The following NSMAF variants were observed in gnomAD, a reference collection of about 807,000 sequenced individuals.
The protein encoded by NSMAF is neutral sphingomyelinase activation associated factor, also known as protein FAN.
NSMAF carries 90 observed loss-of-function variants against 134.9 expected under a neutral mutation model. That is an observed-to-expected ratio of 0.67 (90% CI 0.56 to 0.79). The LOEUF is 0.79. Ranked by LOEUF, NSMAF falls within the 30% of genes least tolerant of loss-of-function variation. The pLI, the probability that NSMAF is intolerant of heterozygous loss-of-function variation, is 0.00. For synonymous variants in NSMAF, 358 were observed against 389.6 expected (o/e 0.92, Z 0.96); for missense variants, 1,010 against 1,119.0 (o/e 0.90, Z 1.39).
intron 1 of NSMAF, 55 bp from the exon 2 acceptor site, chr8:58,643,128 G>A: frequency 3.1e-6 from 4 of 1,277,826 alleles, no homozygotes; most frequent in Non-Finnish European, 4.6e-6. Flanking sequence ...AGTATAAGAA[G>A]GCAATATATT....
chr8:58,594,009 T>C (rs1806076781), intron 23 of NSMAF, among the ~76,000 whole-genome samples: 1 of 152,186 alleles, frequency 6.6e-6, no homozygotes, highest in South Asian at 2.1e-4. Flanking sequence ...CTGTCCTCTA[T>C]CCTCAACTCT....
chr8:58,635,776 C>A (rs891998775), intron 2 of NSMAF, among the ~76,000 whole-genome samples: 10 of 152,182 alleles, frequency 6.6e-5, no homozygotes, highest in African/African-American at 9.6e-5. Flanking sequence ...AATTAAACTT[C>A]TTTGGTTTAT....
chr8:58,589,217 AAAT>A (rs1262877377), intron 26 of NSMAF, among the ~76,000 whole-genome samples: 1 of 147,828 alleles, frequency 6.8e-6, no homozygotes, highest in African/African-American at 2.4e-5. Context: ...TTTTAAATAT[AAAT>A]AATATATAAA....
At position 58,659,596 on chromosome 8, in the gene NSMAF, C is replaced by A; in HGVS notation, c.36G>T (p.Gln12His). ...ACCTCTCCTTGGAGTAGAGCTGCAGCTGCTGCTCCTGCTGCTTCTTCCGGA... is the reference window on the plus strand; with the variant it reads ...ACCTCTCCTTGGAGTAGAGCTGCAGATGCTGCTCCTGCTGCTTCTTCCGGA... ...AFIRKKQQEQ[Q>H]LQLYSKERFS... is the part of the protein sequence containing the mutation. Residue 12 changes from glutamine (Q) to histidine (H), a missense_variant, in exon 1 of 31, where the codon CAG (glutamine) becomes CAT (histidine). Physicochemically the swap from Gln to His is conservative, Grantham distance 24. Transcript: ENST00000038176. 6.7e-7 allele frequency: 1 copy of A among 1,493,532 alleles called. No individual in the cohort carries two copies. Among genetic ancestry groups the A allele is most frequent in the East Asian group, 2.8e-5 (1 of 35,430 alleles). 92.5% of individuals were successfully genotyped at this position (1,493,532 alleles called of 1,614,324 possible). A position where few individuals can be genotyped will look rare whatever the true frequency, so the allele number is the denominator to read the frequency against.
At chr8:58,630,689 G>A (rs1054972814) in intron 6 of NSMAF, among the ~76,000 whole-genome samples, 5 of 152,198 alleles carry the variant, frequency 3.3e-5, no homozygotes, top group African/African-American at 7.2e-5. Flanking sequence ...CACCACTTGA[G>A]AATAATTAAA....
intron 9 of NSMAF, among the ~76,000 whole-genome samples, chr8:58,617,915 T>C (rs1180189364): frequency 6.6e-6 from 1 of 152,238 alleles, no homozygotes; most frequent in Non-Finnish European, 1.5e-5. Context: ...CCAACCCAAA[T>C]GTCCATCAAT....
intron 12 of NSMAF, among the ~76,000 whole-genome samples, chr8:58,604,489 A>G (rs1267288016): frequency 1.3e-5 from 2 of 150,422 alleles, no homozygotes; most frequent in African/African-American, 4.9e-5. Context: ...TCAATAGCTT[A>G]ATGTATGAAT....
intron 6 of NSMAF, among the ~76,000 whole-genome samples, chr8:58,630,116 C>A (rs1469796591): frequency 6.6e-6 from 1 of 152,160 alleles, no homozygotes; most frequent in Middle Eastern, 3.2e-3. Flanking sequence ...CAGAGGATGG[C>A]CAGATAGTGA....
intron 1 of NSMAF, among the ~76,000 whole-genome samples, chr8:58,658,550 TC>T (rs1357124691): frequency 6.6e-6 from 1 of 152,192 alleles, no homozygotes; most frequent in African/African-American, 2.4e-5. Context: ...GCACTTGTAT[TC>T]CCACGTGTAA....
chr8:58,655,147 T>A (rs1807673851), intron 1 of NSMAF, among the ~76,000 whole-genome samples: 1 of 152,140 alleles, frequency 6.6e-6, no homozygotes, highest in Admixed American at 6.5e-5. Context: ...CCTATTTATT[T>A]TTTAAATAGA....
intron 1 of NSMAF, among the ~76,000 whole-genome samples, chr8:58,645,300 T>C (rs533660308): frequency 1.3e-5 from 2 of 152,098 alleles, no homozygotes; most frequent in Admixed American, 1.3e-4. Flanking sequence ...GCACACTAGG[T>C]ATCAGGCACA....
chr8:58,588,546 G>A lies in NSMAF; in HGVS notation c.2212-845C>T, dbSNP rs1805946888. On this transcript the variant is annotated intron_variant, in intron 26 of 30. Coordinates refer to ENST00000038176, the MANE Select transcript of NSMAF (RefSeq NM_003580.4). ...TGCTGTGAATTGCACAACTCACACA[G>A]TAATGTAGCTTCACATACAGCTTGG... is the stretch of plus-strand genomic sequence containing the variant. 4 of 1,241,560 alleles carry A rather than the reference G, an allele frequency of 3.2e-6. No individual in the cohort carries two copies. In the Admixed American group the frequency reaches 6.7e-5, roughly 21 times the overall value. 76.9% of individuals were successfully genotyped at this position (1,241,560 alleles called of 1,614,324 possible). A position where few individuals can be genotyped will look rare whatever the true frequency, so the allele number is the denominator to read the frequency against.
intron 1 of NSMAF, among the ~76,000 whole-genome samples, chr8:58,644,342 A>G (rs564428532): frequency 2.0e-5 from 3 of 152,324 alleles, no homozygotes; most frequent in African/African-American, 7.2e-5. Flanking sequence ...GAGAAATGGA[A>G]AGCAGACCGG....
At chr8:58,607,672 T>A (rs2129142132) in intron 11 of NSMAF, 97 bp downstream of exon 11, 1 of 901,646 alleles carries the variant, frequency 1.1e-6, no homozygotes, top group Admixed American at 1.8e-5. Flanking sequence ...AGTGTACTTG[T>A]ACTTTCAGAC....
At chr8:58,631,624 T>C (rs1019674590) in intron 5 of NSMAF, 78 bp from the exon 6 acceptor site, 2 of 779,536 alleles carry the variant, frequency 2.6e-6, no homozygotes, top group African/African-American at 3.6e-5. Context: ...ATCAGAACAT[T>C]ATCAATCAAA....
intron 12 of NSMAF, among the ~76,000 whole-genome samples, chr8:58,605,447 T>C (rs905281348): frequency 6.6e-6 from 1 of 152,198 alleles, no homozygotes. Context: ...TCAAAATCCA[T>C]TCAATTTGGA....
At chr8:58,584,476 T>C (rs2129138186) in intron 30 of NSMAF, among the ~76,000 whole-genome samples, 1 of 152,286 alleles carries the variant, frequency 6.6e-6, no homozygotes, top group Admixed American at 6.5e-5. Context: ...AATAAATACC[T>C]TGGCGAAGTA....
chr8:58,653,556 G>GA (rs892708855), intron 1 of NSMAF, among the ~76,000 whole-genome samples: 3 of 150,316 alleles, frequency 2.0e-5, no homozygotes, highest in East Asian at 3.9e-4. Context: ...AGACAAAATA[G>GA]AAAAAAAATT....
chr8:58,605,977 T>G lies in NSMAF; in HGVS notation c.818A>C (p.Tyr273Ser). The change falls in exon 12 of 31, where the codon TAT becomes TCT. Residue 273 changes from tyrosine (Y) to serine (S), a missense_variant. Transcript: ENST00000038176. ...GAGATCATCTCTATCTTGAGGTTCATAGAACTTTAGGTAGATGTCGGAACA... is the reference window on the plus strand; with the variant it reads ...GAGATCATCTCTATCTTGAGGTTCAGAGAACTTTAGGTAGATGTCGGAACA... ...DLCSDIYLKF[Y>S]EPQDRDDLYF... is the part of the protein sequence containing the mutation. The G allele has an allele frequency of 6.2e-7, 1 of 1,600,700 alleles. No homozygotes were observed. Among genetic ancestry groups the G allele is most frequent in the Non-Finnish European group, 8.5e-7 (1 of 1,175,420 alleles).
Sources: gnomAD v4.1 joint callset for allele counts (sites outside exome capture counted in the v4.1 genomes callset) on GRCh38, gnomAD v4.1.1 for gene constraint, MANE v1.5 for transcripts, NCBI Gene and HGNC (gene_info 2026-07-23, HGNC 2026-07-21) for gene names.